IPO11: variants seen among roughly 807,000 people sequenced by gnomAD.
IPO11 encodes importin 11.
A neutral mutation model predicts 143.2 loss-of-function variants in IPO11; 66 were observed. The observed-to-expected ratio is 0.46, with a 90% CI of 0.38 to 0.57. IPO11 has a LOEUF of 0.57. Among genes scored for constraint, IPO11 ranks in the 20% least tolerant of loss-of-function variants. The pLI, the probability that IPO11 is intolerant of heterozygous loss-of-function variation, is 0.00. For missense variants in IPO11, 1,026 were observed against 1,141.0 expected, an observed-to-expected ratio of 0.90 and a Z score of 1.45; for synonymous variants, 385 against 377.8, an observed-to-expected ratio of 1.02 and a Z score of -0.22.
intron 3 of IPO11, among the ~76,000 whole-genome samples, chr5:62,444,990 A>G (rs965952305): frequency 2.6e-5 from 4 of 152,006 alleles, no homozygotes; most frequent in Admixed American, 6.6e-5. Context: ...GTACTTTTAC[A>G]TAATGAATTA....
intron 19 of IPO11, among the ~76,000 whole-genome samples, chr5:62,507,012 G>A (rs959641362): frequency 1.3e-5 from 2 of 152,198 alleles, no homozygotes; most frequent in Non-Finnish European, 2.9e-5. Flanking sequence ...TGCTGTTAGT[G>A]AATTGTGACA....
At chr5:62,544,992 G>A (rs1239631853) in intron 24 of IPO11, among the ~76,000 whole-genome samples, 1 of 152,104 alleles carries the variant, frequency 6.6e-6, no homozygotes, top group Non-Finnish European at 1.5e-5. Flanking sequence ...TGGATAGGAA[G>A]AATCAATATC....
intron 27 of IPO11, chr5:62,562,120 A>G (rs1743793360): frequency 6.6e-6 from 1 of 152,308 alleles, no homozygotes; most frequent in Non-Finnish European, 1.5e-5. Context: ...AACCCACTTC[A>G]TGGATGCACT....
chr5:62,529,304 T>C (rs1434028859), intron 21 of IPO11, among the ~76,000 whole-genome samples: 2 of 152,104 alleles, frequency 1.3e-5, no homozygotes, highest in Admixed American at 6.5e-5. Flanking sequence ...AAATGTAATA[T>C]GATCATTTAA....
chr5:62,478,103 A>G (rs2112213075), intron 9 of IPO11, among the ~76,000 whole-genome samples: 2 of 152,140 alleles, frequency 1.3e-5, no homozygotes, highest in South Asian at 4.2e-4. Flanking sequence ...AATCCCAGAT[A>G]TTATCTAGTA....
chr5:62,476,356 T>C (rs1487862104), intron 8 of IPO11, among the ~76,000 whole-genome samples: 2 of 152,186 alleles, frequency 1.3e-5, no homozygotes, highest in Non-Finnish European at 2.9e-5. Flanking sequence ...CCTTGACTAC[T>C]TTATTTTACA....
Position 62,627,195 on chromosome 5 carries a change from G to A in IPO11, c.2805G>A (p.Gln935=), listed in dbSNP as rs761882093. Residue 935 remains glutamine (Q), a synonymous_variant, in exon 30 of 30, where the codon CAG becomes CAA. Coordinates refer to ENST00000325324, the MANE Select transcript of IPO11 (RefSeq NM_016338.5). ...KDPVHTVSLQ[Q]FIYEKLKAQQ... The stretch of plus-strand genomic sequence containing the variant: ...CTGTTCATACAGTGTCACTGCAGCA[G>A]TTCATCTACGAGAAGCTCAAGGCAC... The A allele has an allele frequency of 1.2e-6, 2 of 1,614,124 alleles. No individual in the cohort carries two copies.
intron 5 of IPO11, among the ~76,000 whole-genome samples, chr5:62,463,662 CT>C (rs1384749876): frequency 6.8e-6 from 1 of 146,816 alleles, no homozygotes; most frequent in Non-Finnish European, 1.5e-5. Flanking sequence ...CAGAGTGAGA[CT>C]CTTTGTCTCA....
chr5:62,569,334 G>T (rs1316410581), intron 27 of IPO11, among the ~76,000 whole-genome samples: 3 of 152,178 alleles, frequency 2.0e-5, no homozygotes, highest in African/African-American at 7.2e-5. Flanking sequence ...GCTAAAACCA[G>T]GTACTACGAT....
intron 27 of IPO11, among the ~76,000 whole-genome samples, chr5:62,585,355 A>G (rs140093483): frequency 2.0e-4 from 30 of 152,252 alleles, no homozygotes; most frequent in Admixed American, 7.2e-4. Flanking sequence ...CCATACCTGC[A>G]GTGTTGTTGT....
chr5:62,443,400 T>TGTGC (rs1195837159), intron 3 of IPO11: 8 of 168,730 alleles, frequency 4.7e-5, no homozygotes, highest in Non-Finnish European at 9.7e-5. Flanking sequence ...TGTGTGTGTG[T>TGTGC]GTGTGTGTGT....
intron 11 of IPO11, among the ~76,000 whole-genome samples, chr5:62,484,456 T>C (rs1391521588): frequency 6.6e-6 from 1 of 152,070 alleles, no homozygotes; most frequent in African/African-American, 2.4e-5. Flanking sequence ...ATTAACTCTC[T>C]CTTACCCTGT....
At chr5:62,442,160 C>A (rs935657113) in intron 2 of IPO11, among the ~76,000 whole-genome samples, 10 of 152,044 alleles carry the variant, frequency 6.6e-5, no homozygotes, top group Admixed American at 1.3e-4. Flanking sequence ...AACTTATTTA[C>A]AAGGATAATT....
chr5:62,603,265 AT>A (rs1456768276), intron 29 of IPO11, among the ~76,000 whole-genome samples: 2 of 152,184 alleles, frequency 1.3e-5, no homozygotes, highest in Non-Finnish European at 2.9e-5. Context: ...AAGTTAAATT[AT>A]TTTCCCTTGT....
chr5:62,451,847 C>G lies in IPO11; in HGVS notation c.430C>G (p.Gln144Glu), dbSNP rs781334511. ...TGTTAAAGTCCAGGATGATCTTCGA[C>G]AGCACAGAGCATTACTTACCTTCTA... ...ESVKVQDDLR[Q>E]HRALLTFYHV... Residue 144 changes from glutamine to glutamate, a missense_variant, in exon 5 of 30, where the codon CAG (glutamine) becomes GAG (glutamate). Around this residue, in one of 5 missense-constraint regions of IPO11, gnomAD observed 429 missense variants for 456.3 expected, o/e 0.94. Coordinates refer to ENST00000325324, the MANE Select transcript of IPO11 (RefSeq NM_016338.5). 1 of 1,613,972 alleles carries G rather than the reference C, an allele frequency of 6.2e-7. No homozygotes were observed.
intron 1 of IPO11, among the ~76,000 whole-genome samples, chr5:62,427,045 C>T (rs1042065568): frequency 3.5e-5 from 5 of 143,262 alleles, no homozygotes; most frequent in African/African-American, 1.3e-4. Context: ...TCAAGCGATT[C>T]TCCTGCCTTA....
At chr5:62,443,127 C>T in intron 3 of IPO11, 44 bp downstream of exon 3, 2 of 1,240,168 alleles carry the variant, frequency 1.6e-6, no homozygotes, top group Non-Finnish European at 2.3e-6. Context: ...TAATCCTTCC[C>T]AAATTCAGGA....
At chr5:62,596,262 C>A (rs1215673713) in intron 28 of IPO11, among the ~76,000 whole-genome samples, 2 of 22,686 alleles carry the variant, frequency 8.8e-5, no homozygotes, top group Non-Finnish European at 8.7e-5. Flanking sequence ...GACCAAGGCC[C>A]TGTCTCAAAA....
intron 8 of IPO11, among the ~76,000 whole-genome samples, chr5:62,475,693 T>C (rs1745932982): frequency 2.0e-5 from 3 of 152,200 alleles, no homozygotes; most frequent in Admixed American, 2.0e-4. Context: ...CATATCACTG[T>C]GATATAACTT....
Sources: allele counts gnomAD v4.1 joint callset (sites outside exome capture counted in the v4.1 genomes callset), GRCh38; gene constraint gnomAD v4.1.1; regional missense constraint gnomAD v4.1.1; transcripts MANE v1.5; gene names NCBI Gene and HGNC (gene_info 2026-07-23, HGNC 2026-07-21).